Variants in KCNQ5 observed in about 807,000 individuals in gnomAD.
KCNQ5 encodes the protein potassium voltage-gated channel subfamily KQT member 5.
In KCNQ5, 30 loss-of-function variants were observed where a neutral mutation model predicts 98.2. The observed-to-expected ratio is 0.31, with a 90% CI of 0.23 to 0.41. KCNQ5 has a LOEUF of 0.41. Among genes scored for constraint, KCNQ5 ranks in the 10% least tolerant of loss-of-function variants. KCNQ5 has a pLI of 1.00. For missense variants in KCNQ5, 835 were observed against 1,182.5 expected, an observed-to-expected ratio of 0.71 and a Z score of 4.31; for synonymous variants, 458 against 449.4, an observed-to-expected ratio of 1.02 and a Z score of -0.24.
chr6:72,957,107 C>T (rs1767116143), intron 1 of KCNQ5, among the ~76,000 whole-genome samples: 1 of 150,056 alleles, frequency 6.7e-6, no homozygotes, highest in African/African-American at 2.4e-5. Context: ...TTCTAAGCTT[C>T]ATAATGAGTA....
chr6:72,741,596 A>G (rs1443918503), intron 1 of KCNQ5, among the ~76,000 whole-genome samples: 1 of 152,190 alleles, frequency 6.6e-6, no homozygotes, highest in African/African-American at 2.4e-5. Context: ...CTTCTGGTCC[A>G]TAATCTTCAT....
chr6:72,745,387 GTAACTTTCACAC>G (rs1771334823), intron 1 of KCNQ5, among the ~76,000 whole-genome samples: 1 of 152,214 alleles, frequency 6.6e-6, no homozygotes, highest in Non-Finnish European at 1.5e-5. Flanking sequence ...GAGCACACAT[GTAACTTTCACAC>G]TCCTTGCAAT....
chr6:73,041,054 G>T (rs773614175), intron 2 of KCNQ5, among the ~76,000 whole-genome samples: 1 of 152,144 alleles, frequency 6.6e-6, no homozygotes, highest in Admixed American at 6.5e-5. Flanking sequence ...AAACAAGAAA[G>T]TGAATTATTT....
In KCNQ5 at chr6:72,888,504, T is replaced by C. The variant is rs1397859120; in HGVS notation, c.399-115404T>C. ...AAGAACCTTAAGCGGACAAGAGTCA[T>C]AGTCAAATTTTACTTTGAGACCAGT... is the stretch of plus-strand genomic sequence containing the variant. On this transcript the variant is annotated intron_variant, in intron 1 of 13. Coordinates refer to ENST00000370398, the MANE Select transcript of KCNQ5 (RefSeq NM_019842.4). Among the ~76,000 whole-genome samples, 5 of 152,270 alleles carry C rather than the reference T, an allele frequency of 3.3e-5. No individual in the cohort carries two copies. The East Asian group carries it at 9.6e-4, about 29-fold the overall frequency.
At chr6:73,063,095 G>A (rs1418999764) in intron 3 of KCNQ5, among the ~76,000 whole-genome samples, 1 of 152,120 alleles carries the variant, frequency 6.6e-6, no homozygotes, top group African/African-American at 2.4e-5. Flanking sequence ...AAAATATCCA[G>A]CTCCTGAATG....
rs963735270 is a variant in KCNQ5 at position 72,910,563 on chromosome 6, GGTGTGT to G, written c.399-93307_399-93302del. ...CTCTTATAGAATGGAAAGGTAGGGG[GGTGTGT>G]GTGTGTGTGTGTGTGTGTGTGTGTG... is the stretch of plus-strand genomic sequence containing the variant. On this transcript the variant is annotated intron_variant, in intron 1 of 13. Transcript: ENST00000370398. 8.2e-3 allele frequency among the ~76,000 whole-genome samples: 353 copies of G among 43,070 alleles called. 4 individuals are homozygous for G. The East Asian group carries it at 0.087, about 11-fold the overall frequency. The allele number at this position is 43,070 out of a possible 152,430, so 28.3% of individuals were successfully genotyped here. A position where few individuals can be genotyped will look rare whatever the true frequency, so the allele number is the denominator to read the frequency against.
intron 1 of KCNQ5, among the ~76,000 whole-genome samples, chr6:72,890,395 C>T (rs1267448148): frequency 6.7e-6 from 1 of 150,030 alleles, no homozygotes; most frequent in Non-Finnish European, 1.5e-5. Flanking sequence ...CTAGAACTTA[C>T]TCATCTGGTA....
At chr6:72,706,142 A>T (rs1769067249) in intron 1 of KCNQ5, among the ~76,000 whole-genome samples, 1 of 152,032 alleles carries the variant, frequency 6.6e-6, no homozygotes. Flanking sequence ...AGGTATAGTT[A>T]TGTCTTTTCT....
chr6:72,742,718 G>A (rs373567507), intron 1 of KCNQ5, among the ~76,000 whole-genome samples: 1 of 152,164 alleles, frequency 6.6e-6, no homozygotes, highest in Non-Finnish European at 1.5e-5. Flanking sequence ...GATGAGTTTG[G>A]ATACTGCAGG....
chr6:72,945,386 A>C (rs1766490719), intron 1 of KCNQ5, among the ~76,000 whole-genome samples: 2 of 148,120 alleles, frequency 1.4e-5, no homozygotes, highest in African/African-American at 2.5e-5. Context: ...TATATCTCCA[A>C]ATGCTATCCC....
intron 1 of KCNQ5, among the ~76,000 whole-genome samples, chr6:72,697,657 A>G (rs763214010): frequency 2.4e-4 from 37 of 152,212 alleles, no homozygotes; most frequent in Non-Finnish European, 4.6e-4. Flanking sequence ...GAGAATTACA[A>G]TAAAATAAAT....
intron 10 of KCNQ5, chr6:73,157,794 C>T: frequency 1.3e-6 from 1 of 779,074 alleles, no homozygotes; most frequent in Non-Finnish European, 2.4e-6. Flanking sequence ...TTGGAGTTGC[C>T]ATTAGCTTGC....
intron 1 of KCNQ5, among the ~76,000 whole-genome samples, chr6:72,860,020 A>G (rs1777700264): frequency 6.6e-6 from 1 of 151,618 alleles, no homozygotes; most frequent in Non-Finnish European, 1.5e-5. Context: ...GTGATTATTG[A>G]TCTCTTCTTT....
chr6:72,865,855 T>C (rs1777957444), intron 1 of KCNQ5, among the ~76,000 whole-genome samples: 1 of 152,216 alleles, frequency 6.6e-6, no homozygotes, highest in African/African-American at 2.4e-5. Flanking sequence ...AGAATCTTTA[T>C]TGTGGAGCAG....
intron 1 of KCNQ5, among the ~76,000 whole-genome samples, chr6:72,775,310 T>G (rs1773108016): frequency 6.6e-6 from 1 of 152,230 alleles, no homozygotes; most frequent in Non-Finnish European, 1.5e-5. Context: ...TGAACACACT[T>G]TGTCCCTTTC....
chr6:73,004,031 T>A (rs1406622536), intron 2 of KCNQ5, 33 bp downstream of exon 2: 1 of 1,279,216 alleles, frequency 7.8e-7, no homozygotes, highest in Non-Finnish European at 1.1e-6. Flanking sequence ...CGTACATGAA[T>A]GTTGTATAAG....
At chr6:72,644,668 G>A (rs975039232) in intron 1 of KCNQ5, among the ~76,000 whole-genome samples, 1 of 152,076 alleles carries the variant, frequency 6.6e-6, no homozygotes, top group African/African-American at 2.4e-5. Flanking sequence ...TATCTTTAGC[G>A]AATAGGGCTG....
intron 1 of KCNQ5, among the ~76,000 whole-genome samples, chr6:72,946,418 T>C (rs1488890741): frequency 6.6e-6 from 1 of 152,180 alleles, no homozygotes; most frequent in Non-Finnish European, 1.5e-5. Context: ...TAATATTTAT[T>C]ACACGCTGTA....
intron 1 of KCNQ5, among the ~76,000 whole-genome samples, chr6:72,645,224 CA>C (rs1287277665): frequency 7.8e-6 from 1 of 128,970 alleles, no homozygotes; most frequent in African/African-American, 3.2e-5. Flanking sequence ...CAAAAAAAAA[CA>C]AAAAAAACAT....
Sources: gnomAD v4.1 joint callset for allele counts (sites outside exome capture counted in the v4.1 genomes callset) on GRCh38, gnomAD v4.1.1 for gene constraint, MANE v1.5 for transcripts, NCBI Gene and HGNC (gene_info 2026-07-23, HGNC 2026-07-21) for gene names.